XPO6: variants seen among roughly 807,000 people sequenced by gnomAD.
XPO6 encodes exportin-6.
A neutral mutation model predicts 130.0 loss-of-function variants in XPO6; 3 were observed. That is an observed-to-expected ratio of 0.02 (90% confidence interval 0.01 to 0.06). XPO6 has a LOEUF of 0.06. Ranked by LOEUF, XPO6 falls within the 10% of genes least tolerant of loss-of-function variation. The probability of loss-of-function intolerance (pLI) is 1.00; values close to 1 mark genes in which losing one functional copy is unlikely to be tolerated. For synonymous variants in XPO6, 524 were observed against 548.9 expected, an observed-to-expected ratio of 0.95 and a Z score of 0.63; for missense variants, 970 against 1,393.0, an observed-to-expected ratio of 0.70 and a Z score of 4.83.
Position 28,117,388 on chromosome 16 carries a change from T to G in XPO6, c.1934A>C (p.Gln645Pro). ...LAQYCSEVHR[Q>P]NTQQFVTLIS... is the part of the protein sequence containing the mutation. Reference sequence around the variant, plus strand: ...GAGTGTCACGAACTGCTGCGTGTTCTGCCGGTGAACTTCACTGCAATACTG... The same window carrying G: ...GAGTGTCACGAACTGCTGCGTGTTCGGCCGGTGAACTTCACTGCAATACTG... The change falls in exon 15 of 24, where the codon CAG (glutamine) becomes CCG (proline). Residue 645 changes from glutamine to proline, a missense_variant. By Grantham distance (76) the Gln-to-Pro change is moderately conservative. Around this residue, in one of 4 missense-constraint regions of XPO6, gnomAD observed 936 missense variants for 1,306.8 expected, o/e 0.72. Coordinates refer to ENST00000304658, the MANE Select transcript of XPO6 (RefSeq NM_015171.4). 5 of 1,614,256 alleles carry G rather than the reference T, an allele frequency of 3.1e-6. No individual in the cohort carries two copies. The highest frequency in any genetic ancestry group is 2.2e-5 in the South Asian group (2 of 91,090).
Position 28,132,228 on chromosome 16 carries a change from C to G in XPO6, c.1606+106G>C, listed in dbSNP as rs2042685419. ...GTGGGGAGAGATGCCAGTGGGGAGG[C>G]TGCAGTGAAGAAATCATGTTCCGAC... On this transcript the variant is annotated intron_variant, in intron 12 of 23. Transcript: ENST00000304658. This position sits in a 1 kb window ranked among gnomAD's most constrained non-coding sequence, Gnocchi z 4.0. 1.2e-6 allele frequency: 1 copy of G among 833,762 alleles called. No individual in the cohort carries two copies. Among genetic ancestry groups the G allele is most frequent in the African/African-American group, 1.7e-5 (1 of 57,308 alleles). The allele number at this position is 833,762 out of a possible 1,614,324, so 51.6% of individuals were successfully genotyped here.
chr16:28,193,307 G>A (rs1392257925), intron 1 of XPO6, among the ~76,000 whole-genome samples: 1 of 152,130 alleles, frequency 6.6e-6, no homozygotes, highest in African/African-American at 2.4e-5. Flanking sequence ...GCATTACGCA[G>A]GAAGTGTGGG....
At chr16:28,135,901 T>C (rs2042765905) in intron 9 of XPO6, among the ~76,000 whole-genome samples, 1 of 152,236 alleles carries the variant, frequency 6.6e-6, no homozygotes, top group Non-Finnish European at 1.5e-5. Flanking sequence ...TGCCTTCTTT[T>C]GTGTCAAACA....
chr16:28,162,499 T>G (rs1442193166), intron 6 of XPO6, among the ~76,000 whole-genome samples: 4 of 152,026 alleles, frequency 2.6e-5, no homozygotes, highest in Non-Finnish European at 5.9e-5. Flanking sequence ...CAGAGCTGTG[T>G]AGACAACTCT....
chr16:28,170,556 G>A (rs116076357), intron 4 of XPO6, among the ~76,000 whole-genome samples: 2,692 of 152,020 alleles, frequency 0.018, 72 homozygotes, highest in African/African-American at 0.059. Context: ...AGTTTTGTGT[G>A]TGTATGTATA....
At chr16:28,122,198 T>C (rs1189716322) in intron 13 of XPO6, among the ~76,000 whole-genome samples, 1 of 152,118 alleles carries the variant, frequency 6.6e-6, no homozygotes, top group Non-Finnish European at 1.5e-5. Flanking sequence ...TGCTTATTGG[T>C]ACCACTTGTT....
In XPO6 at chr16:28,155,938, A is replaced by G. The variant is rs2043176880; in HGVS notation, c.1097+136T>C. The G allele has an allele frequency of 2.1e-6, 3 of 1,434,048 alleles. No homozygotes were observed. The Admixed American group carries it at 8.9e-5, about 43-fold the overall frequency. 88.8% of individuals were successfully genotyped at this position (1,434,048 alleles called of 1,614,324 possible). The stretch of plus-strand genomic sequence containing the variant: ...CAGCTAATCTCAGACTTACTGGCAC[A>G]CACCTACCTTTCTGTTCCTCACCAG... On this transcript the variant is annotated intron_variant, in intron 7 of 23. Transcript: ENST00000304658.
At chr16:28,099,676 G>A (rs2086614307) in intron 23 of XPO6, among the ~76,000 whole-genome samples, 1 of 152,212 alleles carries the variant, frequency 6.6e-6, no homozygotes, top group Admixed American at 6.5e-5. Context: ...GCTTACTCGA[G>A]CCAAGACATG....
intron 9 of XPO6, among the ~76,000 whole-genome samples, chr16:28,144,219 T>C (rs753658549): frequency 6.6e-6 from 1 of 152,254 alleles, no homozygotes; most frequent in Non-Finnish European, 1.5e-5. Flanking sequence ...ATGAACGTAC[T>C]ACCTATAATC....
chr16:28,171,001 G>A (rs1380301536), intron 4 of XPO6, among the ~76,000 whole-genome samples: 1 of 150,792 alleles, frequency 6.6e-6, no homozygotes, highest in Non-Finnish European at 1.5e-5. Flanking sequence ...CTATAAAAGA[G>A]CAGACAATTT....
chr16:28,199,009 T>G lies in XPO6; in HGVS notation c.3+12357A>C, dbSNP rs564575253. ...AAATATAAAAATTAGCCGGGCGTGG[T>G]GTCACATGTAATCCCAGCTACTTGG... On this transcript the variant is annotated intron_variant, in intron 1 of 23. Transcript: ENST00000304658. Among the ~76,000 whole-genome samples, 6 of 152,096 alleles carry G rather than the reference T, an allele frequency of 3.9e-5. No individual in the cohort carries two copies. In the South Asian group the frequency reaches 1.2e-3, roughly 32 times the overall value.
chr16:28,113,199 G>T, intron 15 of XPO6, 149 bp from the exon 16 acceptor site: 1 of 984,012 alleles, frequency 1.0e-6, no homozygotes, highest in Non-Finnish European at 1.4e-6. Flanking sequence ...TTCCTATGAT[G>T]ACTACAAGAG....
At chr16:28,117,582 A>G in intron 14 of XPO6, 120 bp from the exon 15 acceptor site, 1 of 1,193,306 alleles carries the variant, frequency 8.4e-7, no homozygotes, top group East Asian at 2.6e-5. Context: ...AGACATGGGC[A>G]ACAGCATAGA....
chr16:28,103,336 T>C (rs903785663), intron 21 of XPO6, among the ~76,000 whole-genome samples: 3 of 152,216 alleles, frequency 2.0e-5, no homozygotes, highest in Non-Finnish European at 2.9e-5. Flanking sequence ...TGCTTGCTTA[T>C]TGCCGAGTGC....
chr16:28,206,046 A>C (rs1326365361), intron 1 of XPO6, among the ~76,000 whole-genome samples: 2 of 151,086 alleles, frequency 1.3e-5, no homozygotes, highest in Non-Finnish European at 2.9e-5. Context: ...AAAAAAAAAA[A>C]AAAAAAAACT....
intron 16 of XPO6, 22 bp downstream of exon 16, chr16:28,112,882 C>A (rs576418968): frequency 1.5e-5 from 24 of 1,607,644 alleles, no homozygotes; most frequent in South Asian, 9.9e-5. Context: ...CTGGGGACCC[C>A]GGGGGAGCTC....
chr16:28,203,752 T>C (rs2043986187), intron 1 of XPO6, among the ~76,000 whole-genome samples: 1 of 152,232 alleles, frequency 6.6e-6, no homozygotes, highest in African/African-American at 2.4e-5. Context: ...GAATCAGTTT[T>C]AAGTGACAAC....
intron 1 of XPO6, among the ~76,000 whole-genome samples, chr16:28,185,345 G>T (rs964939945): frequency 1.3e-5 from 2 of 151,922 alleles, no homozygotes; most frequent in East Asian, 3.9e-4. Context: ...GGGCAACAGA[G>T]CAAGACCTTG....
chr16:28,211,425 C>G lies in XPO6; in HGVS notation c.-57G>C. On this transcript the variant is annotated 5_prime_UTR_variant, in exon 1 of 24. Transcript: ENST00000304658. ...TGGTTCTTGGGCTTCGGACACGTCCCGCTCGCACAGTTCAGGTCATGGTCC... is the reference window on the plus strand; with the variant it reads ...TGGTTCTTGGGCTTCGGACACGTCCGGCTCGCACAGTTCAGGTCATGGTCC... 7.6e-7 allele frequency: 1 copy of G among 1,310,350 alleles called. No homozygotes were observed. The highest frequency in any genetic ancestry group is 3.2e-5 in the South Asian group (1 of 31,116). The allele number at this position is 1,310,350 out of a possible 1,614,324, so 81.2% of individuals were successfully genotyped here.
Sources: allele counts gnomAD v4.1 joint callset (sites outside exome capture counted in the v4.1 genomes callset), GRCh38; gene constraint gnomAD v4.1.1; regional missense constraint gnomAD v4.1.1; non-coding constraint Gnocchi (gnomAD v3.1); transcripts MANE v1.5; gene names NCBI Gene and HGNC (gene_info 2026-07-23, HGNC 2026-07-21).